Variants in FIG4 observed in about 807,000 individuals in gnomAD.
FIG4 encodes the protein polyphosphoinositide phosphatase.
A neutral mutation model predicts 118.6 loss-of-function variants in FIG4; 112 were observed. That is an observed-to-expected ratio of 0.94 (90% CI 0.81 to 1.11). The LOEUF (loss-of-function observed/expected upper bound fraction) is 1.11. Among genes scored for constraint, FIG4 ranks in the 50% least tolerant of loss-of-function variants. The pLI, the probability that FIG4 is intolerant of heterozygous loss-of-function variation, is 0.00. For synonymous variants in FIG4, 369 were observed against 381.2 expected, an observed-to-expected ratio of 0.97 and a Z score of 0.37; for missense variants, 969 against 1,111.7, an observed-to-expected ratio of 0.87 and a Z score of 1.83.
chr6:109,734,638 A>G (rs992773014), intron 5 of FIG4, among the ~76,000 whole-genome samples: 1 of 152,012 alleles, frequency 6.6e-6, no homozygotes, highest in Non-Finnish European at 1.5e-5. Context: ...TTACTCTTCT[A>G]AAACATGTTT....
At chr6:109,759,381 C>T (rs1046793140) in intron 10 of FIG4, among the ~76,000 whole-genome samples, 2 of 151,802 alleles carry the variant, frequency 1.3e-5, no homozygotes, top group Non-Finnish European at 2.9e-5. Context: ...CAAACTTGCA[C>T]GTTCTGCACA....
At chr6:109,771,647 T>G (rs1437544123) in intron 15 of FIG4, among the ~76,000 whole-genome samples, 1 of 151,924 alleles carries the variant, frequency 6.6e-6, no homozygotes, top group Non-Finnish European at 1.5e-5. Context: ...TTTTTGTATT[T>G]TTAGTAGAGA....
At position 109,825,322 on chromosome 6, in the gene FIG4, T is replaced by C. The variant is rs965941438; in HGVS notation, c.*57T>C. The C allele has an allele frequency of 2.2e-5, 33 of 1,518,596 alleles. No individual in the cohort carries two copies. The highest frequency in any genetic ancestry group is 2.8e-5 in the Non-Finnish European group (31 of 1,094,856). 94.1% of individuals were successfully genotyped at this position (1,518,596 alleles called of 1,614,324 possible). ...TGATTAGCTTAGAACCTGTCTTGTC[T>C]CATCTTCAAAAGGTAACTTATTAAA... is the stretch of plus-strand genomic sequence containing the variant. On this transcript the variant is annotated 3_prime_UTR_variant, in exon 23 of 23. Coordinates refer to ENST00000230124, the MANE Select transcript of FIG4 (RefSeq NM_014845.6).
chr6:109,730,715 T>C (rs1775972499), intron 4 of FIG4, among the ~76,000 whole-genome samples: 1 of 152,150 alleles, frequency 6.6e-6, no homozygotes, highest in Non-Finnish European at 1.5e-5. Flanking sequence ...GTTTTCCAGT[T>C]GGACAAAAAT....
At chr6:109,792,234 CT>C (rs776010750) in intron 20 of FIG4, among the ~76,000 whole-genome samples, 16 of 152,238 alleles carry the variant, frequency 1.1e-4, no homozygotes, top group Non-Finnish European at 2.4e-4. Flanking sequence ...TACGTTTGCA[CT>C]ATAACAGCAG....
intron 1 of FIG4, among the ~76,000 whole-genome samples, chr6:109,705,392 A>C (rs1017122806): frequency 6.6e-6 from 1 of 152,212 alleles, no homozygotes. Flanking sequence ...GCTGAAAAGC[A>C]GGGGTTTTCT....
intron 7 of FIG4, among the ~76,000 whole-genome samples, chr6:109,740,204 T>A (rs1776281675): frequency 6.6e-6 from 1 of 152,162 alleles, no homozygotes; most frequent in African/African-American, 2.4e-5. Flanking sequence ...AGTTCTAAGC[T>A]GTTTTGTATT....
intron 22 of FIG4, among the ~76,000 whole-genome samples, chr6:109,805,472 T>C (rs1004808692): frequency 6.6e-6 from 1 of 152,176 alleles, no homozygotes; most frequent in South Asian, 2.1e-4. Context: ...TTGGAAAGAG[T>C]AGAAATTTTT....
intron 21 of FIG4, among the ~76,000 whole-genome samples, chr6:109,794,904 G>T (rs1475924733): frequency 6.6e-6 from 1 of 152,080 alleles, no homozygotes; most frequent in Non-Finnish European, 1.5e-5. Context: ...TCTTCTGCCT[G>T]TTTTTCCTAC....
chr6:109,744,790 A>C, intron 10 of FIG4, among the ~76,000 whole-genome samples: 5 of 147,242 alleles, frequency 3.4e-5, no homozygotes, highest in African/African-American at 7.5e-5. Flanking sequence ...TCCTTCCCCT[A>C]TCCCCCCACC....
chr6:109,759,355 G>T (rs960665610), intron 10 of FIG4, among the ~76,000 whole-genome samples: 4 of 151,926 alleles, frequency 2.6e-5, no homozygotes, highest in African/African-American at 9.7e-5. Context: ...ACCATGGCAT[G>T]TGTATACCTA....
At position 109,785,031 on chromosome 6, in the gene FIG4, A is replaced by G. The variant is rs10499054; in HGVS notation, c.1948+3A>G. ...TTTACCATTGCCCTATGATGAAGGT[A>G]GGTAACTGTTTGTGTTTTAGTTTTT... On this transcript the variant is annotated splice_donor_region_variant and intron_variant, in intron 17 of 22. Transcript: ENST00000230124. 0.6 allele frequency: 907,951 copies of G among 1,518,784 alleles called. 287,180 individuals carry two copies. Among genetic ancestry groups the G allele is most frequent in the Non-Finnish European group, 0.67 (731,688 of 1,092,758 alleles). 94.1% of individuals were successfully genotyped at this position (1,518,784 alleles called of 1,614,324 possible).
chr6:109,731,564 GT>G (rs769258716), intron 4 of FIG4, among the ~76,000 whole-genome samples: 25 of 152,110 alleles, frequency 1.6e-4, no homozygotes, highest in Non-Finnish European at 3.2e-4. Context: ...AACTGTGTCT[GT>G]ACTGAACATG....
chr6:109,757,938 C>T (rs1298086502), intron 10 of FIG4, among the ~76,000 whole-genome samples: 2 of 152,124 alleles, frequency 1.3e-5, no homozygotes, highest in Non-Finnish European at 1.5e-5. Flanking sequence ...GAACTACAAA[C>T]CACTGCCCAG....
intron 1 of FIG4, among the ~76,000 whole-genome samples, chr6:109,714,149 C>CA: frequency 6.6e-6 from 1 of 152,150 alleles, no homozygotes; most frequent in East Asian, 1.9e-4. Flanking sequence ...CTGTGATGGT[C>CA]AGGGAGTCTC....
At chr6:109,765,236 T>C (rs1777246942) in intron 14 of FIG4, 75 bp downstream of exon 14, 4 of 1,247,202 alleles carry the variant, frequency 3.2e-6, no homozygotes, top group Non-Finnish European at 4.7e-6. Flanking sequence ...GATTTTTTTA[T>C]GAAAGCGTTT....
chr6:109,700,073 A>G (rs1264072176), intron 1 of FIG4, among the ~76,000 whole-genome samples: 1 of 152,154 alleles, frequency 6.6e-6, no homozygotes, highest in African/African-American at 2.4e-5. Flanking sequence ...AAAAAGTCCC[A>G]CTTCTGAATA....
chr6:109,770,608 A>G (rs1382981459), intron 15 of FIG4, among the ~76,000 whole-genome samples: 1 of 152,112 alleles, frequency 6.6e-6, no homozygotes, highest in Admixed American at 6.5e-5. Flanking sequence ...TCGTGCCATT[A>G]TCTTCTCAGT....
intron 1 of FIG4, 94 bp from the exon 2 acceptor site, chr6:109,714,984 T>G: frequency 1.5e-6 from 1 of 678,740 alleles, no homozygotes; most frequent in Non-Finnish European, 2.6e-6. Context: ...AACCTGACTT[T>G]ATTAATGTAT....
Sources: allele counts gnomAD v4.1 joint callset (sites outside exome capture counted in the v4.1 genomes callset), GRCh38; gene constraint gnomAD v4.1.1; transcripts MANE v1.5; gene names NCBI Gene and HGNC (gene_info 2026-07-23, HGNC 2026-07-21).